IQSEC1: variants seen among roughly 807,000 people sequenced by gnomAD.
IQSEC1 encodes IQ motif and SEC7 domain-containing protein 1.
Under a neutral mutation model 91.0 loss-of-function variants are expected in IQSEC1, and 31 were observed. That is an observed-to-expected ratio of 0.34 (90% CI 0.26 to 0.46). The LOEUF is 0.46. Ranked by LOEUF, IQSEC1 falls within the 20% of genes least tolerant of loss-of-function variation. The pLI, the probability that IQSEC1 is intolerant of heterozygous loss-of-function variation, is 1.00. For synonymous variants in IQSEC1, 699 were observed against 662.6 expected (o/e 1.05, Z -0.84); for missense variants, 1,388 against 1,575.6 (o/e 0.88, Z 2.02).
chr3:13,204,027 T>TC (rs1033381633), intron 1 of IQSEC1, among the ~76,000 whole-genome samples: 2 of 151,894 alleles, frequency 1.3e-5, no homozygotes, highest in East Asian at 3.9e-4. Flanking sequence ...CAGCTCCCCT[T>TC]CCCCCCGCCC....
intron 1 of IQSEC1, among the ~76,000 whole-genome samples, chr3:13,023,009 C>T (rs1439469743): frequency 6.6e-6 from 1 of 152,230 alleles, no homozygotes; most frequent in East Asian, 1.9e-4. Context: ...TCATCCAGTT[C>T]TCCCAATGCC....
intron 10 of IQSEC1, among the ~76,000 whole-genome samples, 198 bp downstream of exon 10, chr3:12,911,431 A>G (rs373889601): frequency 4.6e-5 from 7 of 152,230 alleles, no homozygotes; most frequent in African/African-American, 1.7e-4. Flanking sequence ...GTGTTATTAC[A>G]TGAGGCTCAG....
intron 2 of IQSEC1, among the ~76,000 whole-genome samples, chr3:13,094,457 CCA>C (rs1359889060): frequency 6.6e-6 from 1 of 152,206 alleles, no homozygotes; most frequent in Non-Finnish European, 1.5e-5. Flanking sequence ...AAAACACAAA[CCA>C]CAGAGGCTGG....
At chr3:12,942,463 C>T (rs190070066) in intron 1 of IQSEC1, among the ~76,000 whole-genome samples, 4 of 151,980 alleles carry the variant, frequency 2.6e-5, no homozygotes, top group African/African-American at 9.7e-5. Context: ...ATTAGCCGGG[C>T]GTGGTGGTGG....
At chr3:13,047,849 C>T (rs1312162098) in intron 1 of IQSEC1, among the ~76,000 whole-genome samples, 1 of 152,150 alleles carries the variant, frequency 6.6e-6, no homozygotes, top group Non-Finnish European at 1.5e-5. Flanking sequence ...CAGACTTAAC[C>T]TCGGGTATGT....
At chr3:13,188,593 C>T (rs997518219) in intron 1 of IQSEC1, among the ~76,000 whole-genome samples, 1 of 152,210 alleles carries the variant, frequency 6.6e-6, no homozygotes, top group Non-Finnish European at 1.5e-5. Context: ...CGAGGCAAAC[C>T]CAGCTTTGAA....
At chr3:13,159,098 T>C (rs1707126947) in intron 2 of IQSEC1, among the ~76,000 whole-genome samples, 1 of 152,188 alleles carries the variant, frequency 6.6e-6, no homozygotes, top group Non-Finnish European at 1.5e-5. Context: ...AGACCATATG[T>C]TCAGGCAGCC....
chr3:13,144,246 C>T (rs1014864898), intron 2 of IQSEC1, among the ~76,000 whole-genome samples: 2 of 152,204 alleles, frequency 1.3e-5, no homozygotes, highest in Non-Finnish European at 1.5e-5. Context: ...AACTAGACCA[C>T]GGCCGGCGAG....
chr3:13,119,203 ATTAT>A (rs1473236783), intron 2 of IQSEC1, among the ~76,000 whole-genome samples: 1 of 152,200 alleles, frequency 6.6e-6, no homozygotes, highest in Non-Finnish European at 1.5e-5. Context: ...ATTTAAGAAT[ATTAT>A]TATTCTTAAA....
chr3:13,052,858 T>C, intron 1 of IQSEC1: 1 of 676,120 alleles, frequency 1.5e-6, no homozygotes, highest in South Asian at 1.7e-5. Context: ...ATATTCCCAA[T>C]AAAACATGTC....
At position 12,924,096 on chromosome 3, in the gene IQSEC1, G is replaced by A. The variant is rs1696893199; in HGVS notation, c.1730+485C>T. On this transcript the variant is annotated intron_variant, in intron 4 of 13. Coordinates refer to ENST00000613206, the MANE Select transcript of IQSEC1 (RefSeq NM_001134382.3). This position sits in a 1 kb window ranked among gnomAD's most constrained non-coding sequence, Gnocchi z 6.3. Reference sequence around the variant, plus strand: ...CACGGGGAGGCAGGTCACTTGATCTGACTCCCCACCACTCTCCCCAGGGGT... The same window carrying A: ...CACGGGGAGGCAGGTCACTTGATCTAACTCCCCACCACTCTCCCCAGGGGT... Among the ~76,000 whole-genome samples the A allele has an allele frequency of 6.6e-6, 1 of 152,146 alleles. No individual in the cohort carries two copies. The highest frequency in any genetic ancestry group is 2.4e-5 in the African/African-American group (1 of 41,436).
At chr3:13,088,500 C>T (rs1260266843) in intron 2 of IQSEC1, among the ~76,000 whole-genome samples, 2 of 152,104 alleles carry the variant, frequency 1.3e-5, no homozygotes, top group Non-Finnish European at 2.9e-5. Flanking sequence ...ACACCCCTCC[C>T]TGGTTCCTGT....
chr3:12,995,960 C>T (rs922046755), intron 1 of IQSEC1, among the ~76,000 whole-genome samples: 1 of 152,190 alleles, frequency 6.6e-6, no homozygotes, highest in Non-Finnish European at 1.5e-5. Flanking sequence ...GGAAGGATCA[C>T]TTGAAGCCAA....
chr3:12,964,850 T>C (rs1559680332), intron 1 of IQSEC1, among the ~76,000 whole-genome samples: 1 of 152,054 alleles, frequency 6.6e-6, no homozygotes, highest in African/African-American at 2.4e-5. Context: ...CACACACACA[T>C]ATACTGAGCT....
At chr3:13,083,121 CA>C (rs538699686) in intron 2 of IQSEC1, among the ~76,000 whole-genome samples, 176 of 152,366 alleles carry the variant, frequency 1.2e-3, no homozygotes, top group Non-Finnish European at 2.0e-3. Context: ...CAATGTCTGT[CA>C]GTCACTGCTT....
At chr3:13,145,815 G>T (rs1234863033) in intron 2 of IQSEC1, among the ~76,000 whole-genome samples, 4 of 119,612 alleles carry the variant, frequency 3.3e-5, no homozygotes, top group South Asian at 3.7e-4. Flanking sequence ...GGGGGGGGGG[G>T]GTCCTGATCA....
At chr3:13,114,792 CAAAAAA>C (rs11462232) in intron 2 of IQSEC1, among the ~76,000 whole-genome samples, 3 of 90,348 alleles carry the variant, frequency 3.3e-5, no homozygotes, top group Non-Finnish European at 4.8e-5. Flanking sequence ...GACATCGTCT[CAAAAAA>C]AAAAAAAAAA....
intron 1 of IQSEC1, among the ~76,000 whole-genome samples, chr3:13,185,177 G>A (rs1693909838): frequency 6.6e-6 from 1 of 152,200 alleles, no homozygotes. Context: ...GCTGTGACCT[G>A]CGGCCTGACC....
chr3:13,166,201 T>C (rs553714219), intron 1 of IQSEC1, among the ~76,000 whole-genome samples: 19 of 152,376 alleles, frequency 1.2e-4, no homozygotes, highest in African/African-American at 4.1e-4. Flanking sequence ...ACTTGTTACA[T>C]GGTAATTGAT....
Sources: allele counts gnomAD v4.1 joint callset (sites outside exome capture counted in the v4.1 genomes callset), GRCh38; gene constraint gnomAD v4.1.1; non-coding constraint Gnocchi (gnomAD v3.1); transcripts MANE v1.5; gene names NCBI Gene and HGNC (gene_info 2026-07-23, HGNC 2026-07-21).